Variants in CCT7 observed in about 807,000 individuals in gnomAD.
CCT7 encodes chaperonin containing TCP1 subunit 7.
A neutral mutation model predicts 56.6 loss-of-function variants in CCT7; 16 were observed. The observed-to-expected ratio is 0.28, with a 90% CI of 0.19 to 0.43. The LOEUF (loss-of-function observed/expected upper bound fraction) is 0.43, where lower values mean the gene tolerates loss of function less well. Among genes scored for constraint, CCT7 ranks in the 20% least tolerant of loss-of-function variants. CCT7 has a pLI of 1.00. For synonymous variants in CCT7, 262 were observed against 254.8 expected (o/e 1.03, Z -0.27); for missense variants, 519 against 685.6 (o/e 0.76, Z 2.71).
chr2:73,237,760 C>A (rs1686941186), intron 1 of CCT7: 1 of 152,098 alleles, frequency 6.6e-6, no homozygotes, highest in Admixed American at 6.5e-5. Flanking sequence ...ATTTGACAAG[C>A]ATTTAAAAAA....
chr2:73,245,011 A>G (rs868768705), intron 6 of CCT7, among the ~76,000 whole-genome samples: 7 of 152,176 alleles, frequency 4.6e-5, no homozygotes, highest in African/African-American at 9.7e-5. Flanking sequence ...CAAATCATCA[A>G]TGACCTCCCA....
At chr2:73,247,993 T>C in intron 7 of CCT7, 67 bp downstream of exon 7, 1 of 1,408,374 alleles carries the variant, frequency 7.1e-7, no homozygotes, top group Non-Finnish European at 1.0e-6. Context: ...GCCCTGGGTC[T>C]TCATGGCTAT....
rs947276938 is a variant in CCT7, at chr2:73,240,339, C to T, written c.161-98C>T. 1.6e-5 allele frequency: 12 copies of T among 748,246 alleles called. No homozygotes were observed. The African/African-American group carries it at 1.9e-4, about 12-fold the overall frequency. The allele number at this position is 748,246 out of a possible 1,614,324, so 46.4% of individuals were successfully genotyped here. A position where few individuals can be genotyped will look rare whatever the true frequency, so the allele number is the denominator to read the frequency against. ...TTTCCCTTCAGCCCTGCCGTGATCC[C>T]CTCTGCCCCATCCCAGTAAAGTGTA... On this transcript the variant is annotated intron_variant, in intron 2 of 11. Coordinates refer to ENST00000258091, the MANE Select transcript of CCT7 (RefSeq NM_006429.4).
At chr2:73,244,388 A>G (rs1574358847) in intron 5 of CCT7, 156 bp from the exon 6 acceptor site, 2 of 643,298 alleles carry the variant, frequency 3.1e-6, no homozygotes, top group Admixed American at 3.0e-5. Flanking sequence ...TGCAGTCACC[A>G]TCTGTCACTG....
intron 8 of CCT7, among the ~76,000 whole-genome samples, chr2:73,249,445 A>G (rs941256563): frequency 2.0e-5 from 3 of 152,184 alleles, no homozygotes; most frequent in Admixed American, 6.5e-5. Context: ...GACAAACTCA[A>G]ATATTGATTC....
At position 73,252,914 on chromosome 2, in the gene CCT7, C is replaced by A; in HGVS notation, c.*53C>A. The A allele has an allele frequency of 7.2e-7, 1 of 1,383,204 alleles. No individual in the cohort carries two copies. Among genetic ancestry groups the A allele is most frequent in the South Asian group, 1.2e-5 (1 of 81,812 alleles). The allele number at this position is 1,383,204 out of a possible 1,614,324, so 85.7% of individuals were successfully genotyped here. On this transcript the variant is annotated 3_prime_UTR_variant, in exon 12 of 12. Transcript: ENST00000258091. ...CTGGCTGCTGGGTGCACTTACCCTCCTTGGCTTGGTTACTTCATTTTACAA... is the reference window on the plus strand; with the variant it reads ...CTGGCTGCTGGGTGCACTTACCCTCATTGGCTTGGTTACTTCATTTTACAA...
chr2:73,238,373 A>G (rs1213120188), intron 1 of CCT7, among the ~76,000 whole-genome samples: 1 of 152,196 alleles, frequency 6.6e-6, no homozygotes, highest in Non-Finnish European at 1.5e-5. Context: ...ACTACCCTCC[A>G]GCTGCGCTGG....
intron 8 of CCT7, 76 bp from the exon 9 acceptor site, chr2:73,249,743 C>A: frequency 1.0e-6 from 1 of 991,234 alleles, no homozygotes; most frequent in South Asian, 1.3e-5. Flanking sequence ...TGGGAATTGG[C>A]TTTGAGACGA....
At chr2:73,251,073 C>T (rs1272139184) in intron 10 of CCT7, among the ~76,000 whole-genome samples, 153 bp from the exon 11 acceptor site, 1 of 152,100 alleles carries the variant, frequency 6.6e-6, no homozygotes, top group Non-Finnish European at 1.5e-5. Context: ...TTGGGATGTT[C>T]TAGATAGGGG....
chr2:73,240,963 G>C (rs1336549849), intron 3 of CCT7, among the ~76,000 whole-genome samples: 1 of 149,502 alleles, frequency 6.7e-6, no homozygotes, highest in African/African-American at 2.5e-5. Flanking sequence ...CTTGAACTCC[G>C]GGGCTCAAGC....
intron 10 of CCT7, 108 bp downstream of exon 10, chr2:73,250,546 T>C: frequency 1.5e-6 from 2 of 1,312,132 alleles, no homozygotes; most frequent in Non-Finnish European, 2.1e-6. Flanking sequence ...ACCTGCCCTT[T>C]CCTGGGTGGT....
At chr2:73,238,614 C>G (rs1319325666) in intron 1 of CCT7, among the ~76,000 whole-genome samples, 1 of 152,218 alleles carries the variant, frequency 6.6e-6, no homozygotes, top group Non-Finnish European at 1.5e-5. Flanking sequence ...TTAATCATAG[C>G]CTAGTAACAA....
At chr2:73,249,479 CAT>C (rs2103804036) in intron 8 of CCT7, among the ~76,000 whole-genome samples, 1 of 152,278 alleles carries the variant, frequency 6.6e-6, no homozygotes, top group African/African-American at 2.4e-5. Context: ...TTTTCCCTTT[CAT>C]GAGCATCCCA....
intron 11 of CCT7, 57 bp from the exon 12 acceptor site, chr2:73,252,583 C>T: frequency 1.4e-6 from 2 of 1,402,144 alleles, no homozygotes; most frequent in Non-Finnish European, 2.0e-6. Flanking sequence ...TACCAGTTTA[C>T]AAGAGGAAAG....
At chr2:73,236,260 G>GAAGA (rs1190203425) in intron 1 of CCT7, among the ~76,000 whole-genome samples, 1 of 152,200 alleles carries the variant, frequency 6.6e-6, no homozygotes, top group African/African-American at 2.4e-5. Flanking sequence ...AAAGTAGGAT[G>GAAGA]AAGAGGAAGA....
At chr2:73,244,451 G>C (rs1687247048) in intron 5 of CCT7, 93 bp from the exon 6 acceptor site, 14 of 1,118,418 alleles carry the variant, frequency 1.3e-5, no homozygotes, top group Non-Finnish European at 1.8e-5. Flanking sequence ...TGAGTTTAGA[G>C]ACTGGAAGGG....
At chr2:73,246,683 AC>A (rs112933689) in intron 6 of CCT7, among the ~76,000 whole-genome samples, 17,686 of 152,100 alleles carry the variant, frequency 0.12, 1,447 homozygotes, top group African/African-American at 0.23. Flanking sequence ...GCTGGTTCTT[AC>A]CCTCTAAATT....
chr2:73,241,426 T>G (rs1424910891), intron 3 of CCT7, among the ~76,000 whole-genome samples: 1 of 152,026 alleles, frequency 6.6e-6, no homozygotes, highest in Non-Finnish European at 1.5e-5. Context: ...GAGAATTTCT[T>G]ACCTTACACA....
At chr2:73,250,277 A>C in intron 9 of CCT7, 29 bp from the exon 10 acceptor site, 1 of 1,613,492 alleles carries the variant, frequency 6.2e-7, no homozygotes, top group Non-Finnish European at 8.5e-7. Flanking sequence ...ACAAGAGTTC[A>C]TGTGTGTACT....
Sources: gnomAD v4.1 joint callset for allele counts (sites outside exome capture counted in the v4.1 genomes callset) on GRCh38, gnomAD v4.1.1 for gene constraint, MANE v1.5 for transcripts, NCBI Gene and HGNC (gene_info 2026-07-23, HGNC 2026-07-21) for gene names.